Variants in RALGAPA1 observed in about 807,000 individuals in gnomAD.
The protein encoded by RALGAPA1 is Ral GTPase activating protein catalytic subunit alpha 1.
In RALGAPA1, 52 loss-of-function variants were observed where a neutral mutation model predicts 269.6. That is an observed-to-expected ratio of 0.19 (90% CI 0.15 to 0.24). RALGAPA1 has a LOEUF of 0.24. RALGAPA1 is among the 10% of genes least tolerant of loss of function. RALGAPA1 has a pLI of 1.00. For missense variants in RALGAPA1, 1,917 were observed against 3,013.9 expected (o/e 0.64, Z 8.52); for synonymous variants, 817 against 1,008.3 (o/e 0.81, Z 3.60).
intron 37 of RALGAPA1, among the ~76,000 whole-genome samples, chr14:35,573,081 G>C (rs764450004): frequency 1.3e-5 from 2 of 152,154 alleles, no homozygotes; most frequent in Non-Finnish European, 2.9e-5. Context: ...TTGAGTAAGA[G>C]AAAGTTGATT....
At chr14:35,645,804 A>G (rs1208627212) in intron 31 of RALGAPA1, among the ~76,000 whole-genome samples, 1 of 151,946 alleles carries the variant, frequency 6.6e-6, no homozygotes, top group African/African-American at 2.4e-5. Context: ...TCTAAACACC[A>G]TTTGCCACTT....
chr14:35,771,679 G>C (rs972973759), intron 3 of RALGAPA1, among the ~76,000 whole-genome samples: 3 of 151,758 alleles, frequency 2.0e-5, no homozygotes, highest in African/African-American at 7.3e-5. Flanking sequence ...TCCCCCTTTA[G>C]AGACAGAGTC....
intron 3 of RALGAPA1, among the ~76,000 whole-genome samples, chr14:35,772,490 T>C (rs1221858672): frequency 1.3e-5 from 2 of 152,238 alleles, no homozygotes; most frequent in Non-Finnish European, 2.9e-5. Context: ...TATACCTGTT[T>C]GGATTATTCT....
At chr14:35,700,362 G>A (rs1181071017) in intron 16 of RALGAPA1, 60 bp from the exon 17 acceptor site, 2 of 1,336,376 alleles carry the variant, frequency 1.5e-6, no homozygotes, top group Non-Finnish European at 2.0e-6. Flanking sequence ...TATAATGAAA[G>A]GCTCGTGTCA....
intron 1 of RALGAPA1, among the ~76,000 whole-genome samples, chr14:35,797,288 G>A (rs2076637343): frequency 7.0e-6 from 1 of 142,582 alleles, no homozygotes; most frequent in Non-Finnish European, 1.5e-5. Flanking sequence ...GAGAGGTGGA[G>A]GTTGCAGTGA....
chr14:35,605,400 A>T (rs1375628583), intron 36 of RALGAPA1, among the ~76,000 whole-genome samples, 186 bp downstream of exon 36: 1 of 152,158 alleles, frequency 6.6e-6, no homozygotes, highest in Non-Finnish European at 1.5e-5. Flanking sequence ...AATAGTCAAC[A>T]TCTTTCCTTT....
At chr14:35,603,749 G>C (rs1420551424) in intron 36 of RALGAPA1, among the ~76,000 whole-genome samples, 1 of 152,058 alleles carries the variant, frequency 6.6e-6, no homozygotes, top group Non-Finnish European at 1.5e-5. Context: ...GACACAGAAA[G>C]ACAAACATAA....
At chr14:35,749,929 A>G (rs1595421979) in intron 9 of RALGAPA1, among the ~76,000 whole-genome samples, 1 of 152,206 alleles carries the variant, frequency 6.6e-6, no homozygotes, top group Non-Finnish European at 1.5e-5. Flanking sequence ...ACATGTTTAG[A>G]AAAATGTACG....
chr14:35,582,840 T>C (rs2058042479), intron 37 of RALGAPA1, among the ~76,000 whole-genome samples: 2 of 152,126 alleles, frequency 1.3e-5, no homozygotes, highest in East Asian at 3.8e-4. Flanking sequence ...AATAGCCAAC[T>C]CTGGCTCCTT....
At chr14:35,542,808 C>A (rs2054129277) in intron 41 of RALGAPA1, among the ~76,000 whole-genome samples, 1 of 152,134 alleles carries the variant, frequency 6.6e-6, no homozygotes, top group Non-Finnish European at 1.5e-5. Context: ...CTCACACAGA[C>A]TGTGTAATCT....
rs555644821 is a variant in RALGAPA1, at chr14:35,752,252, T to C, written c.664-90A>G. 5.0e-5 allele frequency: 66 copies of C among 1,326,856 alleles called. No homozygotes were observed. The African/African-American group carries it at 6.5e-4, about 13-fold the overall frequency. The allele number at this position is 1,326,856 out of a possible 1,614,324, so 82.2% of individuals were successfully genotyped here. A position where few individuals can be genotyped will look rare whatever the true frequency, so the allele number is the denominator to read the frequency against. ...CAATTATAAACAAGCTTGTAAAAGGTTGCAATACACTGAACTGTTAACACT... is the reference window on the plus strand; with the variant it reads ...CAATTATAAACAAGCTTGTAAAAGGCTGCAATACACTGAACTGTTAACACT... On this transcript the variant is annotated intron_variant, in intron 7 of 41. Transcript: ENST00000680220.
At chr14:35,549,381 G>T in intron 39 of RALGAPA1, 147 bp from the exon 40 acceptor site, 1 of 795,324 alleles carries the variant, frequency 1.3e-6, no homozygotes, top group Non-Finnish European at 1.8e-6. Flanking sequence ...TTAACAGTAT[G>T]GCTTTTTAAA....
At chr14:35,766,022 T>A (rs1376909696) in intron 4 of RALGAPA1, 1 of 1,389,188 alleles carries the variant, frequency 7.2e-7, no homozygotes, top group African/African-American at 1.4e-5. Flanking sequence ...AGAATGAAGA[T>A]TCAGACTGGC....
Position 35,539,647 on chromosome 14 carries a change from C to G in RALGAPA1, c.*67G>C. On this transcript the variant is annotated 3_prime_UTR_variant, in exon 42 of 42. Coordinates refer to ENST00000680220, the MANE Select transcript of RALGAPA1 (RefSeq NM_001346249.2). ...AGGCCAGGTCAGCCCCATCTACCTGCGTTGCTGTGGGAGTTTCACTGGGTA... is the reference window on the plus strand; with the variant it reads ...AGGCCAGGTCAGCCCCATCTACCTGGGTTGCTGTGGGAGTTTCACTGGGTA... The G allele has an allele frequency of 1.2e-6, 2 of 1,614,112 alleles. No individual in the cohort carries two copies. The highest frequency in any genetic ancestry group is 1.7e-6 in the Non-Finnish European group (2 of 1,180,020).
chr14:35,652,835 A>G (rs746897892), intron 30 of RALGAPA1, among the ~76,000 whole-genome samples: 48 of 152,316 alleles, frequency 3.2e-4, no homozygotes, highest in Admixed American at 1.0e-3. Flanking sequence ...CAGTGTTATC[A>G]TTTACCCTGG....
rs2061644970 is a variant in RALGAPA1, at chr14:35,636,039, T to C, written c.5677-441A>G. Among the ~76,000 whole-genome samples, 6 of 152,186 alleles carry C rather than the reference T, an allele frequency of 3.9e-5. No homozygotes were observed. The South Asian group carries it at 1.2e-3, about 31-fold the overall frequency. ...CTTAAGTACTTTTTGAAATTGTTAC[T>C]CATTTTACTAAATGAATCCACTGAA... On this transcript the variant is annotated intron_variant, in intron 31 of 41. Coordinates refer to ENST00000680220, the MANE Select transcript of RALGAPA1 (RefSeq NM_001346249.2).
intron 13 of RALGAPA1, among the ~76,000 whole-genome samples, chr14:35,727,893 G>A (rs550893420): frequency 6.6e-6 from 1 of 152,284 alleles, no homozygotes. Context: ...AGAACAACTT[G>A]ATAAAGCTGG....
intron 39 of RALGAPA1, among the ~76,000 whole-genome samples, chr14:35,558,746 G>C (rs1301027041): frequency 6.6e-6 from 1 of 152,166 alleles, no homozygotes. Context: ...CTGTCAAGCT[G>C]TTCAGAGCAG....
chr14:35,753,725 T>C (rs2072937745), intron 7 of RALGAPA1, among the ~76,000 whole-genome samples: 1 of 152,086 alleles, frequency 6.6e-6, no homozygotes, highest in South Asian at 2.1e-4. Context: ...TCCTAATGGG[T>C]ATGAGGTTTC....
Sources: allele counts gnomAD v4.1 joint callset (sites outside exome capture counted in the v4.1 genomes callset), GRCh38; gene constraint gnomAD v4.1.1; transcripts MANE v1.5; gene names NCBI Gene and HGNC (gene_info 2026-07-23, HGNC 2026-07-21).